ASIC2: variants seen among roughly 807,000 people sequenced by gnomAD.
ASIC2 encodes the protein acid sensing ion channel subunit 2, also known as acid-sensing ion channel 2.
ASIC2 carries 25 observed loss-of-function variants against 57.3 expected under a neutral mutation model. The observed-to-expected ratio is 0.44, with a 90% CI of 0.32 to 0.61. ASIC2 has a LOEUF of 0.61. Ranked by LOEUF, ASIC2 falls within the 20% of genes least tolerant of loss-of-function variation. The pLI is 0.06. For synonymous variants in ASIC2, 319 were observed against 307.5 expected (o/e 1.04, Z -0.39); for missense variants, 641 against 738.1 (o/e 0.87, Z 1.52).
chr17:33,118,320 C>A (rs1321335410), intron 1 of ASIC2, among the ~76,000 whole-genome samples: 1 of 152,204 alleles, frequency 6.6e-6, no homozygotes, highest in Non-Finnish European at 1.5e-5. Context: ...TTTATATCTG[C>A]TATCGTTAAC....
intron 1 of ASIC2, among the ~76,000 whole-genome samples, chr17:33,645,151 A>T (rs1906700922): frequency 6.6e-6 from 1 of 152,228 alleles, no homozygotes; most frequent in Non-Finnish European, 1.5e-5. Flanking sequence ...AGGAGGACAT[A>T]GAAGTCCAGA....
intron 1 of ASIC2, among the ~76,000 whole-genome samples, chr17:33,179,976 T>G (rs1377448042): frequency 6.6e-6 from 1 of 152,244 alleles, no homozygotes; most frequent in African/African-American, 2.4e-5. Flanking sequence ...GCAGTTTCAA[T>G]CTATCTGTAA....
At chr17:33,870,142 T>C (rs1354583181) in intron 1 of ASIC2, among the ~76,000 whole-genome samples, 1 of 147,858 alleles carries the variant, frequency 6.8e-6, no homozygotes, top group Non-Finnish European at 1.5e-5. Flanking sequence ...GAAACCGTAA[T>C]AGATGCTTCA....
intron 1 of ASIC2, among the ~76,000 whole-genome samples, chr17:33,414,871 G>C (rs899919839): frequency 2.6e-5 from 4 of 152,138 alleles, no homozygotes; most frequent in Non-Finnish European, 5.9e-5. Flanking sequence ...CCCTGACCCC[G>C]CTTCTCCATG....
intron 1 of ASIC2, among the ~76,000 whole-genome samples, chr17:34,053,545 T>C (rs1908646941): frequency 6.6e-6 from 1 of 152,226 alleles, no homozygotes; most frequent in African/African-American, 2.4e-5. Flanking sequence ...TTATTGAGTA[T>C]ATACTATATG....
At chr17:33,686,883 G>A (rs1908211542) in intron 1 of ASIC2, among the ~76,000 whole-genome samples, 1 of 152,156 alleles carries the variant, frequency 6.6e-6, no homozygotes, top group Admixed American at 6.5e-5. Context: ...CAGGACTGGG[G>A]TGATACCAGT....
intron 1 of ASIC2, among the ~76,000 whole-genome samples, chr17:33,783,604 C>G (rs1911520623): frequency 6.6e-6 from 1 of 152,238 alleles, no homozygotes; most frequent in Admixed American, 6.5e-5. Context: ...TAGGTGGTGT[C>G]TGGGCCACCC....
chr17:33,392,426 G>A (rs4795775), intron 1 of ASIC2, among the ~76,000 whole-genome samples: 48,814 of 151,684 alleles, frequency 0.32, 9,726 homozygotes, highest in East Asian at 0.72. Context: ...ACCACACCCA[G>A]CTAATTTATT....
Position 33,953,777 on chromosome 17 carries a change from G to C in ASIC2, c.555+202201C>G, listed in dbSNP as rs73276615. 2.4e-3 allele frequency among the ~76,000 whole-genome samples: 363 copies of C among 152,282 alleles called. 3 individuals are homozygous for C. The highest frequency in any genetic ancestry group is 8.4e-3 in the African/African-American group (349 of 41,568). ...GTTGTGGGTGGTGGCTTGGACGGGA[G>C]AATGTGTCATTCAATGCTGGGGATT... On this transcript the variant is annotated intron_variant, in intron 1 of 9. Transcript: ENST00000359872.
chr17:33,660,621 G>A (rs1305643583), intron 1 of ASIC2, among the ~76,000 whole-genome samples: 2 of 152,102 alleles, frequency 1.3e-5, no homozygotes, highest in African/African-American at 2.4e-5. Flanking sequence ...ATTATTTACT[G>A]TACATAATTG....
At chr17:33,491,898 TC>T (rs753658263) in intron 1 of ASIC2, among the ~76,000 whole-genome samples, 11 of 130,942 alleles carry the variant, frequency 8.4e-5, no homozygotes, top group Non-Finnish European at 1.2e-4. Flanking sequence ...AGCTTAAATC[TC>T]ATGCCTTATA....
intron 1 of ASIC2, among the ~76,000 whole-genome samples, chr17:33,446,763 C>A (rs1029497225): frequency 8.5e-5 from 13 of 152,146 alleles, no homozygotes; most frequent in African/African-American, 4.8e-5. Flanking sequence ...TGAATGAATC[C>A]TCTGGAAGGG....
At chr17:33,185,088 CAAT>C (rs970990355) in intron 1 of ASIC2, among the ~76,000 whole-genome samples, 2 of 152,158 alleles carry the variant, frequency 1.3e-5, no homozygotes, top group Non-Finnish European at 2.9e-5. Flanking sequence ...AACAAAACTA[CAAT>C]AATAACAGAA....
chr17:33,920,910 A>G (rs1386766349), intron 1 of ASIC2, among the ~76,000 whole-genome samples: 1 of 152,096 alleles, frequency 6.6e-6, no homozygotes, highest in Admixed American at 6.5e-5. Flanking sequence ...GACCCTCATC[A>G]TCAGCTTTTG....
intron 3 of ASIC2, among the ~76,000 whole-genome samples, chr17:33,055,005 A>G (rs1224806655): frequency 6.6e-6 from 1 of 152,156 alleles, no homozygotes. Flanking sequence ...CACTCAGCCC[A>G]TGTCAGCTCC....
intron 1 of ASIC2, among the ~76,000 whole-genome samples, chr17:34,014,012 G>A (rs192842846): frequency 2.6e-5 from 4 of 152,250 alleles, no homozygotes; most frequent in Admixed American, 1.3e-4. Context: ...GCACCCCAGA[G>A]GGGAGAGTCA....
chr17:33,542,395 T>C (rs1292227037), intron 1 of ASIC2, among the ~76,000 whole-genome samples: 12 of 124,286 alleles, frequency 9.7e-5, no homozygotes, highest in African/African-American at 3.7e-4. Flanking sequence ...CTCCACATCC[T>C]CTCCAGCACC....
rs8069934 is a variant in ASIC2 at position 33,177,997 on chromosome 17, C to T, written c.709-65930G>A. On this transcript the variant is annotated intron_variant, in intron 1 of 9. Coordinates refer to ENST00000225823, the MANE Select transcript of ASIC2 (RefSeq NM_183377.2). ...AACCTAGTGTGCGTGCACATACATA[C>T]ACACAAACACACATGCTTGTGTTCT... Among the ~76,000 whole-genome samples, 1,326 of 152,262 alleles carry T rather than the reference C, an allele frequency of 8.7e-3. 22 individuals are homozygous for T. Among genetic ancestry groups the T allele is most frequent in the African/African-American group, 0.03 (1,262 of 41,548 alleles).
At chr17:34,009,525 T>C (rs1906642703) in intron 1 of ASIC2, among the ~76,000 whole-genome samples, 1 of 152,240 alleles carries the variant, frequency 6.6e-6, no homozygotes, top group Non-Finnish European at 1.5e-5. Flanking sequence ...TTGGGTTAAA[T>C]AAAAGACATT....
Sources: gnomAD v4.1 joint callset for allele counts (sites outside exome capture counted in the v4.1 genomes callset) on GRCh38, gnomAD v4.1.1 for gene constraint, MANE v1.5 for transcripts, NCBI Gene and HGNC (gene_info 2026-07-23, HGNC 2026-07-21) for gene names.